ARHGAP44: variants seen among roughly 807,000 people sequenced by gnomAD.
ARHGAP44 encodes the protein Rho GTPase activating protein 44.
In ARHGAP44, 43 loss-of-function variants were observed where a neutral mutation model predicts 106.8. The observed-to-expected ratio is 0.40, with a 90% CI of 0.32 to 0.52. The LOEUF (loss-of-function observed/expected upper bound fraction) is 0.52. Ranked by LOEUF, ARHGAP44 falls within the 20% of genes least tolerant of loss-of-function variation. The pLI, the probability that ARHGAP44 is intolerant of heterozygous loss-of-function variation, is 0.48. For synonymous variants in ARHGAP44, 439 were observed against 410.3 expected (o/e 1.07, Z -0.85); for missense variants, 866 against 1,050.5 (o/e 0.82, Z 2.43).
intron 16 of ARHGAP44, among the ~76,000 whole-genome samples, chr17:12,966,848 C>T (rs2039403057): frequency 6.6e-6 from 1 of 152,186 alleles, no homozygotes; most frequent in Non-Finnish European, 1.5e-5. Context: ...TTCTTCCTGA[C>T]CAGGAGTCAA....
intron 16 of ARHGAP44, among the ~76,000 whole-genome samples, chr17:12,961,464 G>T (rs2039259072): frequency 6.6e-6 from 1 of 152,250 alleles, no homozygotes; most frequent in Non-Finnish European, 1.5e-5. Flanking sequence ...GCCGGGCGTG[G>T]TGGCTCACAC....
At chr17:12,989,122 A>C (rs868321283) in intron 20 of ARHGAP44, among the ~76,000 whole-genome samples, 88 of 148,242 alleles carry the variant, frequency 5.9e-4, no homozygotes, top group African/African-American at 1.7e-3. Context: ...AAAAAAAAAA[A>C]AAACTAAGCA....
At chr17:12,823,663 GT>G (rs1246559789) in intron 1 of ARHGAP44, among the ~76,000 whole-genome samples, 4 of 151,992 alleles carry the variant, frequency 2.6e-5, no homozygotes, top group African/African-American at 7.2e-5. Flanking sequence ...CTCTCAAATA[GT>G]TTCCTCCATC....
chr17:12,836,193 A>G (rs41419447), intron 1 of ARHGAP44, among the ~76,000 whole-genome samples: 7,296 of 152,268 alleles, frequency 0.048, 217 homozygotes, highest in African/African-American at 0.087. Context: ...AAGAACTTGT[A>G]GATAAGGACA....
At chr17:12,833,874 T>C (rs2035159663) in intron 1 of ARHGAP44, among the ~76,000 whole-genome samples, 1 of 152,154 alleles carries the variant, frequency 6.6e-6, no homozygotes, top group Non-Finnish European at 1.5e-5. Context: ...TGGGTTAATG[T>C]AAGGGGTTGT....
chr17:12,892,401 T>C (rs1172957940), intron 1 of ARHGAP44, among the ~76,000 whole-genome samples: 2 of 151,884 alleles, frequency 1.3e-5, no homozygotes, highest in African/African-American at 4.9e-5. Context: ...TTGACCATGA[T>C]GTGTCTTGGT....
chr17:12,862,705 A>G (rs943636095), intron 1 of ARHGAP44, among the ~76,000 whole-genome samples: 1 of 152,140 alleles, frequency 6.6e-6, no homozygotes, highest in African/African-American at 2.4e-5. Context: ...CCTTTTTAAG[A>G]TGATTGGGGC....
chr17:12,956,578 C>T lies in ARHGAP44; in HGVS notation c.1251-77C>T, dbSNP rs574239901. 1.9e-4 allele frequency: 243 copies of T among 1,295,076 alleles called. 3 individuals are homozygous for T. In the African/African-American group the frequency reaches 2.9e-3, roughly 15 times the overall value. The allele number at this position is 1,295,076 out of a possible 1,614,324, so 80.2% of individuals were successfully genotyped here. A position where few individuals can be genotyped will look rare whatever the true frequency, so the allele number is the denominator to read the frequency against. On this transcript the variant is annotated intron_variant, in intron 14 of 20. Transcript: ENST00000379672. ...GTCCAGGGCCCCTTCCTGGGCTCTG[C>T]AGCCAGAGGACCATGGGCCTCAAAG...
chr17:12,869,793 C>CTT (rs75326547), intron 1 of ARHGAP44, among the ~76,000 whole-genome samples: 77 of 149,264 alleles, frequency 5.2e-4, no homozygotes, highest in African/African-American at 1.3e-3. Flanking sequence ...ATATATGTAA[C>CTT]TTTTTTTTTT....
intron 3 of ARHGAP44, among the ~76,000 whole-genome samples, chr17:12,903,272 G>T (rs1054772442): frequency 6.6e-6 from 1 of 151,736 alleles, no homozygotes; most frequent in Non-Finnish European, 1.5e-5. Flanking sequence ...GATAGTTTTA[G>T]AGAGAATAGT....
chr17:12,947,685 C>T (rs2038890629), intron 10 of ARHGAP44, among the ~76,000 whole-genome samples: 1 of 152,232 alleles, frequency 6.6e-6, no homozygotes, highest in Non-Finnish European at 1.5e-5. Context: ...TCTGTGACAG[C>T]TCTGTTTCCT....
intron 1 of ARHGAP44, among the ~76,000 whole-genome samples, chr17:12,877,266 A>G (rs2036585346): frequency 2.0e-5 from 3 of 152,184 alleles, no homozygotes; most frequent in African/African-American, 7.2e-5. Flanking sequence ...ACCATCATCT[A>G]AATTCATTTA....
intron 4 of ARHGAP44, among the ~76,000 whole-genome samples, chr17:12,912,977 C>T (rs1348367511): frequency 6.6e-6 from 1 of 152,044 alleles, no homozygotes; most frequent in Non-Finnish European, 1.5e-5. Context: ...AACAGAATGT[C>T]CAATACAAGA....
intron 1 of ARHGAP44, among the ~76,000 whole-genome samples, chr17:12,891,472 CGTT>C (rs1567671273): frequency 2.0e-5 from 3 of 152,152 alleles, no homozygotes. Flanking sequence ...AGGGAGCTCA[CGTT>C]GTCCTTTTAT....
intron 1 of ARHGAP44, among the ~76,000 whole-genome samples, chr17:12,877,819 C>T (rs1202302053): frequency 2.6e-5 from 4 of 152,146 alleles, no homozygotes; most frequent in Non-Finnish European, 4.4e-5. Flanking sequence ...AAAAGACTGT[C>T]TCTGCCTTAA....
rs539476849 is a variant in ARHGAP44 at position 12,912,608 on chromosome 17, G to A, written c.276-3292G>A. Among the ~76,000 whole-genome samples the A allele has an allele frequency of 1.2e-4, 19 of 152,280 alleles. No individual in the cohort carries two copies. The South Asian group carries it at 2.7e-3, about 22-fold the overall frequency. ...GCTCCAATACAATGGGAAGAATTAA[G>A]CGTATGCCACAGAGCTCACCATCAT... On this transcript the variant is annotated intron_variant, in intron 4 of 20. Coordinates refer to ENST00000379672, the MANE Select transcript of ARHGAP44 (RefSeq NM_014859.6).
At chr17:12,830,130 A>G (rs1349380008) in intron 1 of ARHGAP44, among the ~76,000 whole-genome samples, 1 of 152,184 alleles carries the variant, frequency 6.6e-6, no homozygotes, top group Non-Finnish European at 1.5e-5. Context: ...AAGGGGATTG[A>G]AGCCTTTTTA....
intron 16 of ARHGAP44, among the ~76,000 whole-genome samples, chr17:12,968,232 T>C (rs2039439894): frequency 6.6e-6 from 1 of 152,160 alleles, no homozygotes; most frequent in African/African-American, 2.4e-5. Flanking sequence ...CTTGAATGTT[T>C]TTATCTGTCT....
intron 19 of ARHGAP44, among the ~76,000 whole-genome samples, chr17:12,982,144 G>C (rs2039849132): frequency 1.3e-5 from 2 of 152,160 alleles, no homozygotes; most frequent in Non-Finnish European, 1.5e-5. Flanking sequence ...GTGACAGGTT[G>C]ACCCTTTTCG....
Sources: allele counts gnomAD v4.1 joint callset (sites outside exome capture counted in the v4.1 genomes callset), GRCh38; gene constraint gnomAD v4.1.1; transcripts MANE v1.5; gene names NCBI Gene and HGNC (gene_info 2026-07-23, HGNC 2026-07-21).